Variants in HYOU1 observed in about 807,000 individuals in gnomAD.
HYOU1 encodes the protein hypoxia up-regulated protein 1.
In HYOU1, 40 loss-of-function variants were observed where a neutral mutation model predicts 120.5. That is an observed-to-expected ratio of 0.33 (90% CI 0.26 to 0.43). The LOEUF is 0.43. Ranked by LOEUF, HYOU1 falls within the 20% of genes least tolerant of loss-of-function variation. HYOU1 has a pLI of 1.00. For synonymous variants in HYOU1, 501 were observed against 479.4 expected (o/e 1.05, Z -0.59); for missense variants, 1,085 against 1,278.3 (o/e 0.85, Z 2.31).
Position 119,055,640 on chromosome 11 carries a change from C to T in HYOU1, c.186-69G>A, listed in dbSNP as rs1052270494. Reference sequence around the variant, plus strand: ...ACTCAGAAGCCTCGACACTCACACACATTTAACCACTCAGATGCCGAAGTC... The same window carrying T: ...ACTCAGAAGCCTCGACACTCACACATATTTAACCACTCAGATGCCGAAGTC... On this transcript the variant is annotated intron_variant, in intron 3 of 25. Coordinates refer to ENST00000617285, the MANE Select transcript of HYOU1 (RefSeq NM_006389.5). This position sits in a 1 kb window ranked among gnomAD's most constrained non-coding sequence, Gnocchi z 4.0. 11 of 1,508,154 alleles carry T rather than the reference C, an allele frequency of 7.3e-6. No homozygotes were observed. The Admixed American group carries it at 1.8e-4, about 25-fold the overall frequency. 93.4% of individuals were successfully genotyped at this position (1,508,154 alleles called of 1,614,324 possible).
intron 22 of HYOU1, 149 bp downstream of exon 22, chr11:119,047,585 C>T (rs1944159872): frequency 4.4e-6 from 3 of 687,658 alleles, no homozygotes; most frequent in Non-Finnish European, 7.7e-6. Context: ...TGGGACTAAT[C>T]AGAGGTGGGC....
In HYOU1 at chr11:119,045,106, A is replaced by T. The variant is rs1370171392; in HGVS notation, c.*487T>A. 1.8e-5 allele frequency: 8 copies of T among 454,934 alleles called. 1 individual carries two copies. The highest frequency in any genetic ancestry group is 1.2e-4 in the South Asian group (8 of 64,546). 28.2% of individuals were successfully genotyped at this position (454,934 alleles called of 1,614,324 possible). A position where few individuals can be genotyped will look rare whatever the true frequency, so the allele number is the denominator to read the frequency against. On this transcript the variant is annotated 3_prime_UTR_variant, in exon 26 of 26. Coordinates refer to ENST00000617285, the MANE Select transcript of HYOU1 (RefSeq NM_006389.5). ...CCCGCAGAGGGAGGAAAGAGCACAG[A>T]TAGGCACTCAGAAACCAAACCTGGT...
rs199831152 is a variant in HYOU1 at position 119,049,188 on chromosome 11, G to T, written c.1822C>A (p.Pro608Thr). The change falls in exon 17 of 26, where the codon CCT becomes ACT. Residue 608 changes from proline to threonine, a missense_variant. This residue lies in a region of HYOU1 where 516 missense variants were observed against 517.1 expected (regional missense o/e 1.00). Transcript: ENST00000617285. The stretch of plus-strand genomic sequence containing the variant: ...GGCTCGTCCTTGCTCCCCTCTGCAG[G>T]GCTCTCCTCTTCCTCCTGGGAAACA... ...TDTVQEEEES[P>T]AEGSKDEPGE... 3.8e-4 allele frequency: 608 copies of T among 1,598,388 alleles called. No homozygotes were observed. The highest frequency in any genetic ancestry group is 4.8e-4 in the Non-Finnish European group (559 of 1,172,792).
In HYOU1 at chr11:119,054,596, A is replaced by T; in HGVS notation, c.576T>A (p.Ala192=). 1.9e-6 allele frequency: 3 copies of T among 1,614,172 alleles called. No individual in the cohort carries two copies. Among genetic ancestry groups the T allele is most frequent in the Non-Finnish European group, 2.5e-6 (3 of 1,180,028 alleles). ...QAERRAVLQA[A]RMAGLKVLQL... ...GCAGCACTTTGAGGCCAGCCATACG[A>T]GCAGCCTGCAGCACAGCTCGGCGCT... Residue 192 remains alanine (A), a synonymous_variant, in exon 7 of 26, where the codon GCT becomes GCA. Coordinates refer to ENST00000617285, the MANE Select transcript of HYOU1 (RefSeq NM_006389.5).
Position 119,045,526 on chromosome 11 carries a change from C to G in HYOU1, c.*67G>C, listed in dbSNP as rs377515064. On this transcript the variant is annotated 3_prime_UTR_variant, in exon 26 of 26. Transcript: ENST00000617285. ...CAGGACCAACCCCTCCCCCAACCCT[C>G]GATGTTAAATAAATAGAAGTGGTGG... The G allele has an allele frequency of 2.2e-6, 3 of 1,374,634 alleles. No homozygotes were observed. Among genetic ancestry groups the G allele is most frequent in the Non-Finnish European group, 3.1e-6 (3 of 962,208 alleles). The allele number at this position is 1,374,634 out of a possible 1,614,324, so 85.2% of individuals were successfully genotyped here.
rs2133564183 is a variant in HYOU1, at chr11:119,048,446, T to G, written c.2253+30A>C. ...CCCACAGAGCCAGGTGTAAGCCCAG[T>G]GGGGGGGCTGCTGCCTCCTGCCCAC... On this transcript the variant is annotated intron_variant, in intron 19 of 25. Coordinates refer to ENST00000617285, the MANE Select transcript of HYOU1 (RefSeq NM_006389.5). The surrounding 1 kb of genome is among the most constrained non-coding windows in gnomAD (Gnocchi z 4.7). The G allele has an allele frequency of 3.7e-6, 6 of 1,612,780 alleles. No individual in the cohort carries two copies. In the South Asian group the frequency reaches 6.6e-5, roughly 18 times the overall value.
chr11:119,051,901 G>GC lies in HYOU1; in HGVS notation c.1255dup (p.Ala419GlyfsTer13). Reference sequence around the variant, plus strand: ...GCTGAGCGCAGCTGCCTGGTACACTGCCCCCATGGCGGCTGCTTCATCTGC... The same window carrying GC: ...GCTGAGCGCAGCTGCCTGGTACACTGCCCCCCATGGCGGCTGCTTCATCTGC... On this transcript the variant is annotated frameshift_variant, in exon 12 of 26. Coordinates refer to ENST00000617285, the MANE Select transcript of HYOU1 (RefSeq NM_006389.5). LOFTEE classifies it high-confidence loss of function. This position sits in a 1 kb window ranked among gnomAD's most constrained non-coding sequence, Gnocchi z 4.2. 6.2e-7 allele frequency: 1 copy of GC among 1,614,140 alleles called. No individual in the cohort carries two copies. The highest frequency in any genetic ancestry group is 8.5e-7 in the Non-Finnish European group (1 of 1,180,024).
Position 119,052,762 on chromosome 11 carries a change from T to C in HYOU1, c.862A>G (p.Asn288Asp). The C allele has an allele frequency of 6.2e-7, 1 of 1,614,220 alleles. No individual in the cohort carries two copies. The highest frequency in any genetic ancestry group is 8.5e-7 in the Non-Finnish European group (1 of 1,180,038). ...GCTCTCTGACCCTTGCGCTGCTCAT[T>C]GAAAAGCCCAGCCAGGCGTTCTCGA... ...RLRERLAGLF[N>D]EQRKGQRAKD... The change falls in exon 9 of 26, where the codon AAT (asparagine) becomes GAT (aspartate). Residue 288 changes from asparagine (N) to aspartate (D), a missense_variant. Physicochemically the swap from Asn to Asp is conservative, Grantham distance 23. This residue lies in a region of HYOU1 where 515 missense variants were observed against 677.8 expected (regional missense o/e 0.76). Coordinates refer to ENST00000617285, the MANE Select transcript of HYOU1 (RefSeq NM_006389.5). The surrounding 1 kb of genome is among the most constrained non-coding windows in gnomAD (Gnocchi z 5.0).
chr11:119,047,726 G>A lies in HYOU1; in HGVS notation c.2595+8C>T, dbSNP rs2133557913. The A allele has an allele frequency of 3.7e-6, 6 of 1,606,498 alleles. No individual in the cohort carries two copies. Among genetic ancestry groups the A allele is most frequent in the Non-Finnish European group, 5.1e-6 (6 of 1,173,172 alleles). The stretch of plus-strand genomic sequence containing the variant: ...AAGTATCTGGTTAAGTATTTACGAA[G>A]TGATTACCCAGGTCTCATTGATGAC... On this transcript the variant is annotated splice_region_variant and intron_variant, in intron 22 of 25. Transcript: ENST00000617285.
intron 6 of HYOU1, 49 bp downstream of exon 6, chr11:119,054,935 C>A (rs2133608741): frequency 6.4e-7 from 1 of 1,571,500 alleles, no homozygotes; most frequent in Non-Finnish European, 8.7e-7. Flanking sequence ...GAATCACTGC[C>A]CTAGATCCTG....
In HYOU1 at chr11:119,051,177, G is replaced by A; in HGVS notation, c.1527-4C>T. 6 of 1,614,188 alleles carry A rather than the reference G, an allele frequency of 3.7e-6. No individual in the cohort carries two copies. The highest frequency in any genetic ancestry group is 4.2e-6 in the Non-Finnish European group (5 of 1,180,032). On this transcript the variant is annotated splice_polypyrimidine_tract_variant and splice_region_variant and intron_variant, in intron 13 of 25. Coordinates refer to ENST00000617285, the MANE Select transcript of HYOU1 (RefSeq NM_006389.5). This position sits in a 1 kb window ranked among gnomAD's most constrained non-coding sequence, Gnocchi z 4.2. ...CAGATTCTGGGAGCCAAATACCCTG[G>A]TTGGGAAGGAAAGAGGAGTTCAGGG...
intron 14 of HYOU1, 121 bp from the exon 15 acceptor site, chr11:119,049,958 T>C: frequency 1.1e-6 from 1 of 892,832 alleles, no homozygotes; most frequent in South Asian, 1.4e-5. Flanking sequence ...GTCTCTCACC[T>C]GCCTTTTCTA....
At position 119,049,638 on chromosome 11, in the gene HYOU1, A is replaced by G; in HGVS notation, c.1727-3T>C. On this transcript the variant is annotated splice_polypyrimidine_tract_variant and splice_region_variant and intron_variant, in intron 15 of 25. Transcript: ENST00000617285. Reference sequence around the variant, plus strand: ...GCTGGAAATGGTGTTGCCAAGTTCTAGGGGGAGTAAAACCCAAAGACTCAA... The same window carrying G: ...GCTGGAAATGGTGTTGCCAAGTTCTGGGGGGAGTAAAACCCAAAGACTCAA... 6.2e-7 allele frequency: 1 copy of G among 1,614,158 alleles called. No individual in the cohort carries two copies. The highest frequency in any genetic ancestry group is 8.5e-7 in the Non-Finnish European group (1 of 1,180,016).
chr11:119,049,956 C>T lies in HYOU1; in HGVS notation c.1666-119G>A, dbSNP rs1944324837. ...ATGCCGTCACAGGCCTAGTCTCTCACCTGCCTTTTCTAAGGACTTGGAGGT... is the reference window on the plus strand; with the variant it reads ...ATGCCGTCACAGGCCTAGTCTCTCATCTGCCTTTTCTAAGGACTTGGAGGT... On this transcript the variant is annotated intron_variant, in intron 14 of 25. Transcript: ENST00000617285. The T allele has an allele frequency of 6.7e-6, 6 of 897,710 alleles. No individual in the cohort carries two copies. In the Admixed American group the frequency reaches 9.0e-5, roughly 13 times the overall value. The allele number at this position is 897,710 out of a possible 1,614,324, so 55.6% of individuals were successfully genotyped here.
At chr11:119,056,888 TG>T (rs557698324) in intron 1 of HYOU1, 131 bp downstream of exon 1, 3 of 156,190 alleles carry the variant, frequency 1.9e-5, no homozygotes, top group African/African-American at 7.2e-5. Flanking sequence ...CCGAGCTGCG[TG>T]CCCCCCGGTG....
intron 22 of HYOU1, chr11:119,047,361 T>G (rs1944147775): frequency 4.0e-6 from 1 of 251,512 alleles, no homozygotes; most frequent in Admixed American, 5.1e-5. Flanking sequence ...ACTCATTTCT[T>G]GACTCTCCAC....
Position 119,048,431 on chromosome 11 carries a change from C to G in HYOU1, c.2253+45G>C. The G allele has an allele frequency of 6.2e-7, 1 of 1,612,646 alleles. No homozygotes were observed. The highest frequency in any genetic ancestry group is 1.3e-5 in the African/African-American group (1 of 75,036). On this transcript the variant is annotated intron_variant, in intron 19 of 25. Transcript: ENST00000617285. This position sits in a 1 kb window ranked among gnomAD's most constrained non-coding sequence, Gnocchi z 4.7. ...AGCCCAGAGGCAAGGCCCACAGAGC[C>G]AGGTGTAAGCCCAGTGGGGGGGCTG...
Position 119,051,737 on chromosome 11 carries a change from A to T in HYOU1, c.1338+82T>A. ...GACCTCTTAGCAGAAAGACAAAGGG[A>T]TGAGCCAGAGCAGACAGAAGGGGAA... is the stretch of plus-strand genomic sequence containing the variant. On this transcript the variant is annotated intron_variant, in intron 12 of 25. Transcript: ENST00000617285. The surrounding 1 kb of genome is among the most constrained non-coding windows in gnomAD (Gnocchi z 4.2). 1.2e-6 allele frequency: 2 copies of T among 1,601,394 alleles called. No individual in the cohort carries two copies. Among genetic ancestry groups the T allele is most frequent in the Admixed American group, 3.3e-5 (2 of 59,718 alleles).
At position 119,051,754 on chromosome 11, in the gene HYOU1, G is replaced by A. The variant is rs1944453944; in HGVS notation, c.1338+65C>T. ...ACAAAGGGATGAGCCAGAGCAGACA[G>A]AAGGGGAAACCCTACTTGGGAGAGG... On this transcript the variant is annotated intron_variant, in intron 12 of 25. Transcript: ENST00000617285. This position sits in a 1 kb window ranked among gnomAD's most constrained non-coding sequence, Gnocchi z 4.2. 4.4e-6 allele frequency: 7 copies of A among 1,605,816 alleles called. No individual in the cohort carries two copies. The South Asian group carries it at 7.7e-5, about 18-fold the overall frequency.
Sources: gnomAD v4.1 joint callset for allele counts on GRCh38, gnomAD v4.1.1 for gene constraint, gnomAD v4.1.1 regional missense constraint, Gnocchi (gnomAD v3.1) non-coding constraint, MANE v1.5 for transcripts, NCBI Gene and HGNC (gene_info 2026-07-23, HGNC 2026-07-21) for gene names.